The following CACNA1E variants were observed in gnomAD, a reference collection of about 807,000 sequenced individuals.
The protein encoded by CACNA1E is voltage-dependent R-type calcium channel subunit alpha-1E.
Under a neutral mutation model 259.2 loss-of-function variants are expected in CACNA1E, and 40 were observed. The observed-to-expected ratio is 0.15, with a 90% CI of 0.12 to 0.20. The LOEUF (loss-of-function observed/expected upper bound fraction) is 0.20, where lower values mean the gene tolerates loss of function less well. CACNA1E is among the 10% of genes least tolerant of loss of function. CACNA1E has a pLI of 1.00. For missense variants in CACNA1E, 1,874 were observed against 3,040.1 expected (o/e 0.62, Z 9.02); for synonymous variants, 1,104 against 1,138.5 (o/e 0.97, Z 0.61).
At chr1:181,328,232 G>A (rs920413998) in intron 1 of CACNA1E, among the ~76,000 whole-genome samples, 4 of 152,102 alleles carry the variant, frequency 2.6e-5, no homozygotes, top group East Asian at 1.9e-4. Flanking sequence ...GTGCCTTCTC[G>A]CTGTGTCCTC....
rs74127728 is a variant in CACNA1E at position 181,335,548 on chromosome 1, T to C, written c.-15+17425T>C. ...TGGATTCACAGGTGGCCTTGGGGTA[T>C]TGTCTTCAGGTTTTCAGCTGTGCAT... On this transcript the variant is annotated intron_variant, in intron 1 of 11. Coordinates refer to the CACNA1E transcript ENST00000524607. 9.9e-3 allele frequency among the ~76,000 whole-genome samples: 1,501 copies of C among 151,882 alleles called. 33 individuals carry two copies. Among genetic ancestry groups the C allele is most frequent in the African/African-American group, 0.035 (1,433 of 41,212 alleles).
intron 38 of CACNA1E, among the ~76,000 whole-genome samples, chr1:181,777,220 A>T (rs926529990): frequency 6.6e-6 from 1 of 152,224 alleles, no homozygotes; most frequent in African/African-American, 2.4e-5. Context: ...CTCCAAAGGA[A>T]CTGTTCTGTT....
rs1000805503 is a variant in CACNA1E, at chr1:181,669,868, G to A, written c.1055+18427G>A. 3.3e-5 allele frequency among the ~76,000 whole-genome samples: 5 copies of A among 152,114 alleles called. No homozygotes were observed. The East Asian group carries it at 7.7e-4, about 23-fold the overall frequency. ...CCAAGAAGTGTGCCACTCCAAGAAC[G>A]TCTCCATTACATCGAGAAAGAGGGA... On this transcript the variant is annotated intron_variant, in intron 7 of 47. Transcript: ENST00000367573.
chr1:181,425,495 GA>G (rs36068313), intron 2 of CACNA1E, among the ~76,000 whole-genome samples: 60,165 of 147,710 alleles, frequency 0.41, 12,670 homozygotes, highest in Middle Eastern at 0.51. Flanking sequence ...CTTTTTGGCT[GA>G]AAAAAATATT....
chr1:181,325,769 T>C (rs1214370216), intron 1 of CACNA1E, among the ~76,000 whole-genome samples: 2 of 152,206 alleles, frequency 1.3e-5, no homozygotes, highest in Non-Finnish European at 2.9e-5. Context: ...GAAGCACCAC[T>C]GTCCATCCGG....
At position 181,541,966 on chromosome 1, in the gene CACNA1E, G is replaced by A. The variant is rs569409119; in HGVS notation, c.512+30456G>A. Among the ~76,000 whole-genome samples, 9 of 152,280 alleles carry A rather than the reference G, an allele frequency of 5.9e-5. No homozygotes were observed. In the South Asian group the frequency reaches 1.7e-3, roughly 28 times the overall value. On this transcript the variant is annotated intron_variant, in intron 3 of 47. Coordinates refer to ENST00000367573, the MANE Select transcript of CACNA1E (RefSeq NM_001205293.3). ...GTGAGGGTGTGGCTTTTGAGGCTAGGTCCTAGCAGACATTGCCATATCTTC... is the reference window on the plus strand; with the variant it reads ...GTGAGGGTGTGGCTTTTGAGGCTAGATCCTAGCAGACATTGCCATATCTTC...
In CACNA1E at chr1:181,566,182, C is replaced by G. The variant is rs57747101; in HGVS notation, c.513-11584C>G. On this transcript the variant is annotated intron_variant, in intron 3 of 47. Coordinates refer to ENST00000367573, the MANE Select transcript of CACNA1E (RefSeq NM_001205293.3). The stretch of plus-strand genomic sequence containing the variant: ...TATATTACTAGCTATTAGCCATTAT[C>G]TTTCGTAGCTTTTGAAAGCACTCCA... Among the ~76,000 whole-genome samples, 192 of 152,268 alleles carry G rather than the reference C, an allele frequency of 1.3e-3. 1 individual carries two copies. Among genetic ancestry groups the G allele is most frequent in the African/African-American group, 4.4e-3 (181 of 41,556 alleles).
intron 2 of CACNA1E, among the ~76,000 whole-genome samples, chr1:181,429,472 C>G (rs1011740244): frequency 6.6e-6 from 1 of 152,196 alleles, no homozygotes; most frequent in Non-Finnish European, 1.5e-5. Flanking sequence ...AGCATCTATG[C>G]GTAGCTCTGC....
At chr1:181,339,962 A>T (rs1652018685) in intron 1 of CACNA1E, among the ~76,000 whole-genome samples, 1 of 151,786 alleles carries the variant, frequency 6.6e-6, no homozygotes, top group South Asian at 2.1e-4. Context: ...CAGTTTTTAC[A>T]CTTTCATACA....
rs1173947223 is a variant in CACNA1E at position 181,733,688 on chromosome 1, G to C, written c.3200G>C (p.Ser1067Thr). 1 of 1,601,524 alleles carries C rather than the reference G, an allele frequency of 6.2e-7. No individual in the cohort carries two copies. ...AACACGGACAAGGCCACCACCGAGA[G>C]CACCAGCGTCACCGTCGCCATCCCC... ...TANTDKATTE[S>T]TSVTVAIPDV... is the part of the protein sequence containing the mutation. Residue 1067 changes from serine to threonine, a missense_variant, in exon 21 of 48, where the codon AGC becomes ACC. Ser to Thr is a moderately conservative substitution (Grantham distance 58, BLOSUM62 1). This residue lies in a region of CACNA1E where 476 missense variants were observed against 514.0 expected (regional missense o/e 0.93). Coordinates refer to ENST00000367573, the MANE Select transcript of CACNA1E (RefSeq NM_001205293.3).
intron 2 of CACNA1E, among the ~76,000 whole-genome samples, chr1:181,453,427 G>A (rs1399321810): frequency 6.6e-6 from 1 of 152,138 alleles, no homozygotes; most frequent in Non-Finnish European, 1.5e-5. Context: ...CTTAGCTCTA[G>A]GCTCTGTAAA....
intron 6 of CACNA1E, among the ~76,000 whole-genome samples, chr1:181,637,035 G>C (rs114098116): frequency 6.6e-6 from 1 of 152,234 alleles, no homozygotes; most frequent in Non-Finnish European, 1.5e-5. Flanking sequence ...AAATCAGGGA[G>C]AGAGTTTCCC....
chr1:181,752,018 T>C lies in CACNA1E; in HGVS notation c.3732-125T>C, dbSNP rs768728110. ...AGTCAAATCTGACTCAGTTTCTGGCTTCTTGCCTCCATCTCTCCCATACAT... is the reference window on the plus strand; with the variant it reads ...AGTCAAATCTGACTCAGTTTCTGGCCTCTTGCCTCCATCTCTCCCATACAT... On this transcript the variant is annotated intron_variant, in intron 26 of 47. Transcript: ENST00000367573. 15 of 756,898 alleles carry C rather than the reference T, an allele frequency of 2.0e-5. No individual in the cohort carries two copies. In the East Asian group the frequency reaches 3.9e-4, roughly 20 times the overall value. The allele number at this position is 756,898 out of a possible 1,614,324, so 46.9% of individuals were successfully genotyped here. A position where few individuals can be genotyped will look rare whatever the true frequency, so the allele number is the denominator to read the frequency against.
intron 1 of CACNA1E, among the ~76,000 whole-genome samples, chr1:181,357,635 C>G (rs1416915418): frequency 6.6e-6 from 1 of 151,808 alleles, no homozygotes; most frequent in Non-Finnish European, 1.5e-5. Flanking sequence ...AAAACCTCCT[C>G]CTTGCTCTTT....
chr1:181,618,120 A>T (rs1655393222), intron 6 of CACNA1E, among the ~76,000 whole-genome samples: 1 of 152,206 alleles, frequency 6.6e-6, no homozygotes, highest in South Asian at 2.1e-4. Flanking sequence ...ACCAACTATG[A>T]ATTGGCTGTA....
intron 44 of CACNA1E, among the ~76,000 whole-genome samples, chr1:181,792,130 T>A (rs190271465): frequency 6.6e-6 from 1 of 152,318 alleles, no homozygotes; most frequent in East Asian, 1.9e-4. Flanking sequence ...ATAGATAGTT[T>A]GATTCTTAAA....
At chr1:181,791,405 G>A (rs752185375) in intron 44 of CACNA1E, among the ~76,000 whole-genome samples, 8 of 152,272 alleles carry the variant, frequency 5.3e-5, no homozygotes, top group African/African-American at 1.7e-4. Context: ...CCTGGGAGGC[G>A]GAGCTTGCAA....
chr1:181,461,365 C>T (rs1661797173), intron 2 of CACNA1E, among the ~76,000 whole-genome samples: 3 of 151,154 alleles, frequency 2.0e-5, no homozygotes, highest in Admixed American at 6.6e-5. Flanking sequence ...CACGGTGAAA[C>T]CCCCTCTCTA....
At position 181,724,520 on chromosome 1, in the gene CACNA1E, G is replaced by A. The variant is rs777063356; in HGVS notation, c.2125G>A (p.Ala709Thr). 1 of 1,612,534 alleles carries A rather than the reference G, an allele frequency of 6.2e-7. No homozygotes were observed. ...LAIAVDNLAN[A>T]QELTKDEQEE... ...TATCGCTGTGGATAATCTCGCCAAC[G>A]CCCAGGAACTGACCAAGGTAAGCAT... Residue 709 changes from alanine to threonine, a missense_variant, in exon 17 of 48, where the codon GCC (alanine) becomes ACC (threonine). Transcript: ENST00000367573.
Sources: allele counts gnomAD v4.1 joint callset (sites outside exome capture counted in the v4.1 genomes callset), GRCh38; gene constraint gnomAD v4.1.1; regional missense constraint gnomAD v4.1.1; transcripts MANE v1.5; gene names NCBI Gene and HGNC (gene_info 2026-07-23, HGNC 2026-07-21).